PRKD3: variants seen among roughly 807,000 people sequenced by gnomAD.
PRKD3 encodes serine/threonine-protein kinase D3.
Under a neutral mutation model 99.2 loss-of-function variants are expected in PRKD3, and 47 were observed. The ratio of observed to expected loss-of-function variants is 0.47; its 90% confidence interval spans 0.38 to 0.60. The LOEUF is 0.60. Ranked by LOEUF, PRKD3 falls within the 20% of genes least tolerant of loss-of-function variation. The probability of loss-of-function intolerance (pLI) is 0.00; values close to 1 mark genes in which losing one functional copy is unlikely to be tolerated. For synonymous variants in PRKD3, 392 were observed against 355.4 expected, an observed-to-expected ratio of 1.10 and a Z score of -1.16; for missense variants, 1,019 against 1,088.4, an observed-to-expected ratio of 0.94 and a Z score of 0.90.
intron 2 of PRKD3, among the ~76,000 whole-genome samples, chr2:37,308,493 C>T (rs1330427439): frequency 1.3e-5 from 2 of 151,998 alleles, no homozygotes; most frequent in Non-Finnish European, 2.9e-5. Context: ...GGCGCAATCT[C>T]AGCTCACTGC....
At chr2:37,273,262 G>A (rs915514126) in intron 11 of PRKD3, among the ~76,000 whole-genome samples, 2 of 152,008 alleles carry the variant, frequency 1.3e-5, no homozygotes, top group East Asian at 3.8e-4. Context: ...GTTTTAATTA[G>A]AATGACATAG....
intron 3 of PRKD3, among the ~76,000 whole-genome samples, chr2:37,291,697 G>C (rs1670434220): frequency 6.6e-6 from 1 of 152,172 alleles, no homozygotes; most frequent in South Asian, 2.1e-4. Context: ...GTGTAGCAGG[G>C]AGTGAGATGA....
intron 2 of PRKD3, among the ~76,000 whole-genome samples, chr2:37,296,155 C>T (rs1224569662): frequency 6.6e-6 from 1 of 152,112 alleles, no homozygotes; most frequent in Admixed American, 6.5e-5. Context: ...TCATATGGCT[C>T]ATCAATACTG....
chr2:37,315,086 C>G (rs916871885), intron 2 of PRKD3, among the ~76,000 whole-genome samples: 6 of 152,106 alleles, frequency 3.9e-5, no homozygotes, highest in African/African-American at 1.4e-4. Context: ...AGATGAAGAG[C>G]ATGAATTCCC....
intron 2 of PRKD3, among the ~76,000 whole-genome samples, chr2:37,301,491 T>C (rs1171986407): frequency 6.6e-6 from 1 of 151,870 alleles, no homozygotes; most frequent in Non-Finnish European, 1.5e-5. Context: ...CACAATGTAG[T>C]GGCTTGATCA....
At chr2:37,300,303 T>C (rs914426875) in intron 2 of PRKD3, among the ~76,000 whole-genome samples, 2 of 152,026 alleles carry the variant, frequency 1.3e-5, no homozygotes, top group Non-Finnish European at 2.9e-5. Context: ...TTCTCACTTG[T>C]ATGTGAAAAA....
chr2:37,266,711 C>T (rs1446042358), intron 14 of PRKD3, among the ~76,000 whole-genome samples: 4 of 152,152 alleles, frequency 2.6e-5, no homozygotes, highest in Non-Finnish European at 5.9e-5. Context: ...TGGTCCCGAA[C>T]TCCTAACCTC....
intron 3 of PRKD3, among the ~76,000 whole-genome samples, chr2:37,291,561 A>G (rs1214767295): frequency 1.3e-5 from 2 of 152,186 alleles, no homozygotes; most frequent in Non-Finnish European, 2.9e-5. Flanking sequence ...CAGAGTAGAG[A>G]AGGAAGAGAT....
chr2:37,267,972 T>TA (rs2148519261), intron 13 of PRKD3: 1 of 187,860 alleles, frequency 5.3e-6, no homozygotes, highest in African/African-American at 2.4e-5. Flanking sequence ...AATCTAGATA[T>TA]AAAAAATTTA....
At chr2:37,308,658 T>C (rs1481164395) in intron 2 of PRKD3, among the ~76,000 whole-genome samples, 4 of 152,260 alleles carry the variant, frequency 2.6e-5, no homozygotes, top group South Asian at 2.1e-4. Flanking sequence ...TTTTGCCATG[T>C]TGGCCAGGCT....
At chr2:37,281,221 T>G (rs535525380) in intron 7 of PRKD3, among the ~76,000 whole-genome samples, 1 of 152,300 alleles carries the variant, frequency 6.6e-6, no homozygotes, top group African/African-American at 2.4e-5. Context: ...CAAATGCACA[T>G]TAAGATAAAT....
intron 2 of PRKD3, among the ~76,000 whole-genome samples, chr2:37,294,973 G>A (rs1252669618): frequency 6.6e-6 from 1 of 152,186 alleles, no homozygotes; most frequent in Non-Finnish European, 1.5e-5. Context: ...TACTTGGGAG[G>A]CTGAGGCATA....
intron 2 of PRKD3, among the ~76,000 whole-genome samples, chr2:37,297,789 T>C (rs1339075159): frequency 6.6e-6 from 1 of 152,204 alleles, no homozygotes; most frequent in Non-Finnish European, 1.5e-5. Context: ...AGTGCCATTC[T>C]CATTGCACTC....
rs77367389 is a variant in PRKD3, at chr2:37,265,680, A to C, written c.1884+1750T>G. The stretch of plus-strand genomic sequence containing the variant: ...GAAAGCCAAATATAAAAGTATAAAT[A>C]TCTGACATAAACAATTTGAAGAGAA... On this transcript the variant is annotated intron_variant, in intron 14 of 18. Coordinates refer to ENST00000234179, the MANE Select transcript of PRKD3 (RefSeq NM_005813.6). Among the ~76,000 whole-genome samples the C allele has an allele frequency of 8.1e-3, 1,236 of 152,318 alleles. 10 individuals carry two copies. The highest frequency in any genetic ancestry group is 0.014 in the Non-Finnish European group (936 of 68,026).
chr2:37,268,171 T>C (rs1668971549), intron 13 of PRKD3: 2 of 366,462 alleles, frequency 5.5e-6, no homozygotes, highest in Non-Finnish European at 1.1e-5. Flanking sequence ...TCTTCAAATA[T>C]GTATCTGACT....
At chr2:37,287,385 C>CT (rs1670172649) in intron 5 of PRKD3, among the ~76,000 whole-genome samples, 1 of 144,612 alleles carries the variant, frequency 6.9e-6, no homozygotes, top group African/African-American at 2.6e-5. Context: ...CCTTTTTTTT[C>CT]TTTTTTCTCC....
chr2:37,282,336 C>A, intron 7 of PRKD3: 2 of 531,350 alleles, frequency 3.8e-6, no homozygotes, highest in South Asian at 2.7e-5. Context: ...TACAAAGTAA[C>A]AGGTGGCCAG....
At chr2:37,260,499 C>G (rs553247003) in intron 14 of PRKD3, 115 bp from the exon 15 acceptor site, 449 of 923,890 alleles carry the variant, frequency 4.9e-4, no homozygotes, top group Middle Eastern at 1.3e-3. Flanking sequence ...GAGAAGTAAA[C>G]AAAGCAAACA....
chr2:37,318,497 G>A (rs1671753080), intron 1 of PRKD3, among the ~76,000 whole-genome samples: 1 of 152,196 alleles, frequency 6.6e-6, no homozygotes, highest in African/African-American at 2.4e-5. Flanking sequence ...TCTTACCAGT[G>A]CTGTCTCCAC....
Sources: gnomAD v4.1 joint callset for allele counts (sites outside exome capture counted in the v4.1 genomes callset) on GRCh38, gnomAD v4.1.1 for gene constraint, MANE v1.5 for transcripts, NCBI Gene and HGNC (gene_info 2026-07-23, HGNC 2026-07-21) for gene names.